Variants in NFIB observed in about 807,000 individuals in gnomAD.
The protein encoded by NFIB is nuclear factor 1 B-type.
A neutral mutation model predicts 61.5 loss-of-function variants in NFIB; 11 were observed. That is an observed-to-expected ratio of 0.18 (90% CI 0.11 to 0.30). The LOEUF (loss-of-function observed/expected upper bound fraction) is 0.30. Ranked by LOEUF, NFIB falls within the 10% of genes least tolerant of loss-of-function variation. The pLI is 1.00. For synonymous variants in NFIB, 260 were observed against 216.5 expected, an observed-to-expected ratio of 1.20 and a Z score of -1.76; for missense variants, 471 against 608.9, an observed-to-expected ratio of 0.77 and a Z score of 2.38.
the NFIB span, among the ~76,000 whole-genome samples, chr9:14,528,922 G>A: frequency 1.3e-5 from 2 of 152,114 alleles, no homozygotes. Flanking sequence ...TAAATAATGT[G>A]AAAGGTCATC....
At chr9:14,263,428 T>A (rs2056954156) in intron 2 of NFIB, among the ~76,000 whole-genome samples, 1 of 152,212 alleles carries the variant, frequency 6.6e-6, no homozygotes, top group African/African-American at 2.4e-5. Context: ...ACTCTTGTTT[T>A]TAAAAGTCTG....
chr9:14,282,727 C>T (rs2058454442), intron 2 of NFIB, among the ~76,000 whole-genome samples: 1 of 152,162 alleles, frequency 6.6e-6, no homozygotes, highest in Non-Finnish European at 1.5e-5. Context: ...TGAAGGAGGG[C>T]GACTTTCCCA....
chr9:14,394,574 A>T (rs2133040364), intron 1 of NFIB, among the ~76,000 whole-genome samples: 1 of 152,308 alleles, frequency 6.6e-6, no homozygotes, highest in Middle Eastern at 3.4e-3. Flanking sequence ...GTATGGGGAA[A>T]ATGCCCCCAT....
intron 2 of NFIB, chr9:14,204,848 G>A: frequency 2.2e-6 from 1 of 451,130 alleles, no homozygotes; most frequent in Non-Finnish European, 4.1e-6. Flanking sequence ...CTGCACCACT[G>A]CTGCCTTCAT....
rs1262088709 is a variant in NFIB, at chr9:14,120,161, C to G, written c.1245+279G>C. ...GGTGTGAACTCCAGCCCAGAGCTTTCCTGTCAATGTACTTTCTGCATAAAC... is the reference window on the plus strand; with the variant it reads ...GGTGTGAACTCCAGCCCAGAGCTTTGCTGTCAATGTACTTTCTGCATAAAC... On this transcript the variant is annotated intron_variant, in intron 8 of 10. Coordinates refer to ENST00000380953, the MANE Select transcript of NFIB (RefSeq NM_001190737.2). The surrounding 1 kb of genome is among the most constrained non-coding windows in gnomAD (Gnocchi z 4.4). Among the ~76,000 whole-genome samples the G allele has an allele frequency of 1.3e-5, 2 of 152,112 alleles. No individual in the cohort carries two copies. Among genetic ancestry groups the G allele is most frequent in the Non-Finnish European group, 2.9e-5 (2 of 68,008 alleles).
the NFIB span, among the ~76,000 whole-genome samples, chr9:14,508,530 C>G: frequency 6.6e-6 from 1 of 152,206 alleles, no homozygotes; most frequent in African/African-American, 2.4e-5. Context: ...AATGGTTTCT[C>G]TTAGAGGGCG....
chr9:14,510,848 C>A, the NFIB span, among the ~76,000 whole-genome samples: 1 of 152,094 alleles, frequency 6.6e-6, no homozygotes, highest in African/African-American at 2.4e-5. Context: ...AGTGACTGAA[C>A]TGCAATACCT....
At chr9:14,439,257 A>G in the NFIB span, among the ~76,000 whole-genome samples, 4 of 152,148 alleles carry the variant, frequency 2.6e-5, no homozygotes, top group Admixed American at 1.3e-4. Flanking sequence ...GTAGTCCCAG[A>G]TACTTGGGAG....
intron 2 of NFIB, among the ~76,000 whole-genome samples, chr9:14,293,723 G>C (rs1423383214): frequency 1.3e-5 from 2 of 152,132 alleles, no homozygotes; most frequent in Non-Finnish European, 2.9e-5. Flanking sequence ...CAGATACCAA[G>C]AGCCACAAGT....
intron 2 of NFIB, among the ~76,000 whole-genome samples, chr9:14,188,327 A>T (rs1384745749): frequency 6.6e-6 from 1 of 152,000 alleles, no homozygotes; most frequent in Non-Finnish European, 1.5e-5. Context: ...CTATCTTTAA[A>T]AACAAGGCAA....
chr9:14,462,351 T>C, the NFIB span, among the ~76,000 whole-genome samples: 9 of 151,888 alleles, frequency 5.9e-5, no homozygotes, highest in Admixed American at 1.3e-4. Context: ...GGCGCGATCT[T>C]GGCTCACTGC....
chr9:14,100,611 GAGGC>G lies in NFIB; in HGVS notation c.1468-12289_1468-12286del, dbSNP rs560714362. On this transcript the variant is annotated intron_variant, in intron 10 of 10. Transcript: ENST00000380953. ...TGTAGTCCCAGCTACGGAGGGGGCT[GAGGC>G]AGGCAGGAGAATGGCGTGAACCCGG... Among the ~76,000 whole-genome samples, 394 of 152,326 alleles carry G rather than the reference GAGGC, an allele frequency of 2.6e-3. 2 individuals are homozygous for G. The highest frequency in any genetic ancestry group is 6.8e-3 in the Middle Eastern group (2 of 294).
the NFIB span, among the ~76,000 whole-genome samples, chr9:14,507,770 G>A: frequency 6.6e-6 from 1 of 152,110 alleles, no homozygotes; most frequent in Non-Finnish European, 1.5e-5. Context: ...CTCTTTGATT[G>A]GAGGTCAGAC....
intron 2 of NFIB, among the ~76,000 whole-genome samples, chr9:14,196,476 C>A (rs940687233): frequency 3.9e-5 from 6 of 152,048 alleles, no homozygotes; most frequent in African/African-American, 1.4e-4. Context: ...AATGCTGCCA[C>A]CCCCTACTCT....
At chr9:14,330,993 A>G (rs1432519679) in intron 1 of NFIB, among the ~76,000 whole-genome samples, 1 of 152,134 alleles carries the variant, frequency 6.6e-6, no homozygotes, top group African/African-American at 2.4e-5. Flanking sequence ...TTTCGGGGGC[A>G]TTTTAAGTGA....
chr9:14,347,602 A>AGGGAGAAGGGAGAT (rs1195023839), intron 1 of NFIB, among the ~76,000 whole-genome samples: 1 of 151,462 alleles, frequency 6.6e-6, no homozygotes, highest in Non-Finnish European at 1.5e-5. Flanking sequence ...AGAAGGGAGA[A>AGGGAGAAGGGAGAT]GGGAAGGAGT....
At chr9:14,238,030 A>G (rs1050052305) in intron 2 of NFIB, among the ~76,000 whole-genome samples, 2 of 152,092 alleles carry the variant, frequency 1.3e-5, no homozygotes, top group Admixed American at 6.6e-5. Context: ...GCTATGGGGC[A>G]AAGAGTACAG....
chr9:14,215,394 C>T (rs1005247736), intron 2 of NFIB, among the ~76,000 whole-genome samples: 1 of 141,988 alleles, frequency 7.0e-6, no homozygotes, highest in African/African-American at 3.1e-5. Context: ...TAAGAAGAAA[C>T]GATTATTAAA....
rs191165151 is a variant in NFIB, at chr9:14,220,409, G to A, written c.563-40629C>T. On this transcript the variant is annotated intron_variant, in intron 2 of 10. Transcript: ENST00000380953. ...GCTTTGAATTCTGCTTCCATGTATT[G>A]TACTAGGGGAAAGACATGGCATTCT... 2.6e-5 allele frequency among the ~76,000 whole-genome samples: 4 copies of A among 152,210 alleles called. No individual in the cohort carries two copies. The East Asian group carries it at 5.8e-4, about 22-fold the overall frequency.
Sources: gnomAD v4.1 joint callset for allele counts (sites outside exome capture counted in the v4.1 genomes callset) on GRCh38, gnomAD v4.1.1 for gene constraint, Gnocchi (gnomAD v3.1) non-coding constraint, MANE v1.5 for transcripts, NCBI Gene and HGNC (gene_info 2026-07-23, HGNC 2026-07-21) for gene names.